The following QTMAN variants were observed in gnomAD, a reference collection of about 807,000 sequenced individuals.
QTMAN encodes the protein queuosine-tRNA mannosyltransferase.
At chr2:144,270,274 A>C in the QTMAN span, among the ~76,000 whole-genome samples, 1 of 152,178 alleles carries the variant, frequency 6.6e-6, no homozygotes, top group East Asian at 1.9e-4. Flanking sequence ...AGAACCAGAA[A>C]TACCATTTGA....
At chr2:143,975,242 G>A in the QTMAN span, among the ~76,000 whole-genome samples, 3 of 152,018 alleles carry the variant, frequency 2.0e-5, no homozygotes, top group Admixed American at 6.5e-5. Flanking sequence ...CTTCTTATTC[G>A]TCACTTAACA....
At chr2:144,308,162 GTTT>G in the QTMAN span, among the ~76,000 whole-genome samples, 7 of 110,814 alleles carry the variant, frequency 6.3e-5, no homozygotes, top group East Asian at 2.6e-4. Context: ...ATGATTGGTT[GTTT>G]TTTTTTTTTT....
At chr2:144,293,666 C>T in the QTMAN span, among the ~76,000 whole-genome samples, 1 of 152,220 alleles carries the variant, frequency 6.6e-6, no homozygotes. Flanking sequence ...GATATCATCT[C>T]TCCAGGTATT....
chr2:144,282,444 T>C, the QTMAN span, among the ~76,000 whole-genome samples: 1 of 150,424 alleles, frequency 6.6e-6, no homozygotes, highest in Non-Finnish European at 1.5e-5. Flanking sequence ...AAAGAATAAA[T>C]TTCAGAGGGA....
At chr2:144,300,788 G>T in the QTMAN span, among the ~76,000 whole-genome samples, 1 of 152,058 alleles carries the variant, frequency 6.6e-6, no homozygotes, top group East Asian at 1.9e-4. Context: ...GTAGGGATAG[G>T]GGTTAAAGGA....
chr2:144,043,905 T>C, the QTMAN span, among the ~76,000 whole-genome samples: 3 of 152,222 alleles, frequency 2.0e-5, no homozygotes, highest in African/African-American at 7.2e-5. Context: ...GTGTACCCTA[T>C]GTGTTACATC....
the QTMAN span, among the ~76,000 whole-genome samples, chr2:144,209,137 G>A: frequency 8.0e-4 from 122 of 152,178 alleles, 2 homozygotes; most frequent in East Asian, 0.021. Flanking sequence ...TGGTTTGTTC[G>A]GCTGTAAGCC....
chr2:144,255,992 T>G, the QTMAN span, among the ~76,000 whole-genome samples: 1 of 152,220 alleles, frequency 6.6e-6, no homozygotes, highest in Non-Finnish European at 1.5e-5. Flanking sequence ...CCTAAAACAG[T>G]TCTTAAAAAA....
chr2:144,135,214 C>T, the QTMAN span, among the ~76,000 whole-genome samples: 1 of 152,126 alleles, frequency 6.6e-6, no homozygotes, highest in African/African-American at 2.4e-5. Context: ...ACATGAAAAT[C>T]ATGGATACTC....
At chr2:144,216,153 C>T in the QTMAN span, among the ~76,000 whole-genome samples, 6 of 152,178 alleles carry the variant, frequency 3.9e-5, no homozygotes, top group Non-Finnish European at 5.9e-5. Context: ...CATCAGCCTT[C>T]TCTCTCTGTT....
chr2:144,084,162 C>G, the QTMAN span, among the ~76,000 whole-genome samples: 1 of 152,164 alleles, frequency 6.6e-6, no homozygotes, highest in Non-Finnish European at 1.5e-5. Context: ...CCACGAGGAC[C>G]AGTATTCTTT....
At chr2:144,315,003 A>T in the QTMAN span, among the ~76,000 whole-genome samples, 1 of 151,870 alleles carries the variant, frequency 6.6e-6, no homozygotes, top group Non-Finnish European at 1.5e-5. Flanking sequence ...CTTGTGCCTC[A>T]GCTTCCCAAG....
chr2:144,104,678 G>T, the QTMAN span, among the ~76,000 whole-genome samples: 1 of 152,226 alleles, frequency 6.6e-6, no homozygotes. Flanking sequence ...TCCACCTCTG[G>T]GGGCAGGGCA....
the QTMAN span, among the ~76,000 whole-genome samples, chr2:144,102,923 G>A: frequency 6.6e-6 from 1 of 152,188 alleles, no homozygotes. Context: ...ACCATGAGGG[G>A]AGTGCAGCTT....
the QTMAN span, among the ~76,000 whole-genome samples, chr2:144,295,059 G>T: frequency 6.6e-6 from 1 of 152,122 alleles, no homozygotes; most frequent in African/African-American, 2.4e-5. Flanking sequence ...TAAAAATATT[G>T]ATTTCATATT....
the QTMAN span, among the ~76,000 whole-genome samples, chr2:144,311,205 T>C: frequency 6.6e-6 from 1 of 152,232 alleles, no homozygotes; most frequent in Non-Finnish European, 1.5e-5. Flanking sequence ...AGCATCAAGA[T>C]ACTCATTCTT....
chr2:144,133,420 A>T, the QTMAN span, among the ~76,000 whole-genome samples: 3 of 52,190 alleles, frequency 5.7e-5, no homozygotes, highest in Non-Finnish European at 8.8e-5. Flanking sequence ...ATTATATATA[A>T]TATATATAAT....
chr2:144,074,541 T>C, the QTMAN span, among the ~76,000 whole-genome samples: 1 of 152,226 alleles, frequency 6.6e-6, no homozygotes, highest in African/African-American at 2.4e-5. Flanking sequence ...ATATATTTTC[T>C]AATCTTGCGT....
chr2:143,991,426 G>T, the QTMAN span, among the ~76,000 whole-genome samples: 5 of 150,974 alleles, frequency 3.3e-5, no homozygotes, highest in Non-Finnish European at 7.4e-5. Flanking sequence ...CCGTCCGGGA[G>T]GGAGGTGGGG....
Sources: gnomAD v4.1 joint callset for allele counts (sites outside exome capture counted in the v4.1 genomes callset) on GRCh38, gnomAD v4.1.1 for gene constraint, MANE v1.5 for transcripts, NCBI Gene and HGNC (gene_info 2026-07-23, HGNC 2026-07-21) for gene names.